SLC24A4: variants seen among roughly 807,000 people sequenced by gnomAD.
SLC24A4 encodes solute carrier family 24 member 4, also known as sodium/potassium/calcium exchanger 4.
A neutral mutation model predicts 79.0 loss-of-function variants in SLC24A4; 53 were observed. The observed-to-expected ratio is 0.67, with a 90% CI of 0.54 to 0.84. SLC24A4 has a LOEUF of 0.84. SLC24A4 is among the 40% of genes least tolerant of loss of function. The pLI is 0.00. For synonymous variants in SLC24A4, 323 were observed against 323.8 expected, an observed-to-expected ratio of 1.00 and a Z score of 0.03; for missense variants, 731 against 822.0, an observed-to-expected ratio of 0.89 and a Z score of 1.35.
At position 92,325,955 on chromosome 14, in the gene SLC24A4, C is replaced by T. The variant is rs1302767571; in HGVS notation, c.218C>T (p.Thr73Ile). Residue 73 changes from threonine (T) to isoleucine (I), a missense_variant, in exon 2 of 17, where the codon ACA (threonine) becomes ATA (isoleucine). By Grantham distance (89) the Thr-to-Ile change is moderately conservative. Transcript: ENST00000532405. ...KLMAPVNGTQ[T>I]AKNCTDPAIH... ...ATGGCCCCAGTGAATGGGACACAGA[C>T]AGCCAAGAACTGCACAGATCCTGGT... 2.5e-6 allele frequency: 4 copies of T among 1,610,932 alleles called. No homozygotes were observed. Among genetic ancestry groups the T allele is most frequent in the Non-Finnish European group, 3.4e-6 (4 of 1,177,694 alleles).
chr14:92,481,708 T>A (rs997952439), intron 12 of SLC24A4, among the ~76,000 whole-genome samples: 12 of 152,262 alleles, frequency 7.9e-5, no homozygotes, highest in African/African-American at 1.9e-4. Flanking sequence ...CTGATTTTTT[T>A]AAATAGATAT....
intron 2 of SLC24A4, among the ~76,000 whole-genome samples, chr14:92,391,374 T>C (rs570298339): frequency 2.0e-5 from 3 of 152,218 alleles, no homozygotes; most frequent in African/African-American, 7.2e-5. Context: ...AACCCCAGGG[T>C]CTCCAGGGTG....
chr14:92,343,869 A>C (rs1886377396), intron 2 of SLC24A4, among the ~76,000 whole-genome samples: 1 of 151,800 alleles, frequency 6.6e-6, no homozygotes, highest in Non-Finnish European at 1.5e-5. Flanking sequence ...CACCCAGCTA[A>C]TTTTTGTATT....
At chr14:92,397,288 T>C (rs1889829818) in intron 2 of SLC24A4, among the ~76,000 whole-genome samples, 1 of 152,218 alleles carries the variant, frequency 6.6e-6, no homozygotes, top group Non-Finnish European at 1.5e-5. Context: ...CCCAGCTCCT[T>C]CTGCTCCGGC....
chr14:92,490,467 G>A lies in SLC24A4; in HGVS notation c.1538-1198G>A, dbSNP rs1895620848. Among the ~76,000 whole-genome samples, 2 of 152,132 alleles carry A rather than the reference G, an allele frequency of 1.3e-5. No homozygotes were observed. On this transcript the variant is annotated intron_variant, in intron 14 of 16. Coordinates refer to ENST00000532405, the MANE Select transcript of SLC24A4 (RefSeq NM_153646.4). The surrounding 1 kb of genome is among the most constrained non-coding windows in gnomAD (Gnocchi z 4.3). ...CCTCTGATGTGCTTCTAGCCTGGTT[G>A]GGGAAAGAGAGCTCACCCTTCAGAA...
rs36228701 is a variant in SLC24A4 at position 92,449,281 on chromosome 14, TACACACACACACACACACACACAC to T, written c.880+84_880+107del. On this transcript the variant is annotated intron_variant, in intron 10 of 16. Coordinates refer to ENST00000532405, the MANE Select transcript of SLC24A4 (RefSeq NM_153646.4). ...GGAAGCCACTCTCTCCTCTTTTGTG[TACACACACACACACACACACACAC>T]ACACACACACACACACACCCTCTCA... 7 of 869,800 alleles carry T rather than the reference TACACACACACACACACACACACAC, an allele frequency of 8.0e-6. No individual in the cohort carries two copies. In the East Asian group the frequency reaches 1.8e-4, roughly 22 times the overall value. 53.9% of individuals were successfully genotyped at this position (869,800 alleles called of 1,614,324 possible).
At chr14:92,437,099 A>G (rs949982213) in intron 3 of SLC24A4, among the ~76,000 whole-genome samples, 1 of 152,222 alleles carries the variant, frequency 6.6e-6, no homozygotes, top group Non-Finnish European at 1.5e-5. Flanking sequence ...CAGGACATCC[A>G]TAGCACTTTT....
At position 92,494,899 on chromosome 14, in the gene SLC24A4, A is replaced by G. The variant is rs1178720574; in HGVS notation, c.*1271A>G. ...TCTTCGACCACTTGATAGCTCTCAAATATATATTTAAAAGATTTATGAATA... is the reference window on the plus strand; with the variant it reads ...TCTTCGACCACTTGATAGCTCTCAAGTATATATTTAAAAGATTTATGAATA... On this transcript the variant is annotated 3_prime_UTR_variant, in exon 17 of 17. Transcript: ENST00000532405. The surrounding 1 kb of genome is among the most constrained non-coding windows in gnomAD (Gnocchi z 4.6). 3.3e-5 allele frequency: 5 copies of G among 152,682 alleles called. No homozygotes were observed. The highest frequency in any genetic ancestry group is 3.3e-4 in the Admixed American group (5 of 15,284). The allele number at this position is 152,682 out of a possible 1,614,324, so 9.5% of individuals were successfully genotyped here. A position where few individuals can be genotyped will look rare whatever the true frequency, so the allele number is the denominator to read the frequency against.
intron 2 of SLC24A4, among the ~76,000 whole-genome samples, chr14:92,403,966 G>A (rs1339669361): frequency 6.6e-6 from 1 of 152,128 alleles, no homozygotes; most frequent in Admixed American, 6.5e-5. Context: ...ATACTCATCT[G>A]TAATTGATTG....
intron 12 of SLC24A4, among the ~76,000 whole-genome samples, chr14:92,474,128 G>A (rs1237423963): frequency 2.0e-5 from 3 of 152,186 alleles, no homozygotes; most frequent in African/African-American, 7.2e-5. Flanking sequence ...ATAAGTTCAG[G>A]AAATATCTAA....
chr14:92,409,131 A>G (rs1042323128), intron 2 of SLC24A4, among the ~76,000 whole-genome samples: 10 of 152,186 alleles, frequency 6.6e-5, no homozygotes, highest in African/African-American at 1.7e-4. Context: ...ACATGGAGTC[A>G]AGTTCAGTCT....
At position 92,484,927 on chromosome 14, in the gene SLC24A4, C is replaced by T. The variant is rs566795204; in HGVS notation, c.1423-1739C>T. 8 of 971,808 alleles carry T rather than the reference C, an allele frequency of 8.2e-6. No homozygotes were observed. The South Asian group carries it at 1.9e-4, about 23-fold the overall frequency. The allele number at this position is 971,808 out of a possible 1,614,324, so 60.2% of individuals were successfully genotyped here. On this transcript the variant is annotated intron_variant, in intron 13 of 16. Coordinates refer to ENST00000532405, the MANE Select transcript of SLC24A4 (RefSeq NM_153646.4). ...TGAGTAGTGTGATTTCTTATAGTGC[C>T]CTTCTTGTGTCGAGTTAGTGTTGTG...
At chr14:92,363,618 T>G (rs1264955434) in intron 2 of SLC24A4, among the ~76,000 whole-genome samples, 2 of 152,060 alleles carry the variant, frequency 1.3e-5, no homozygotes, top group Non-Finnish European at 2.9e-5. Flanking sequence ...GATCCCAAGG[T>G]CAAGAGATCA....
At chr14:92,356,545 A>C (rs1887190497) in intron 2 of SLC24A4, among the ~76,000 whole-genome samples, 2 of 152,152 alleles carry the variant, frequency 1.3e-5, no homozygotes, top group Non-Finnish European at 2.9e-5. Context: ...AAGTCATTTG[A>C]CCTTTCTGTG....
At chr14:92,333,124 C>T (rs1375460706) in intron 2 of SLC24A4, among the ~76,000 whole-genome samples, 1 of 152,182 alleles carries the variant, frequency 6.6e-6, no homozygotes, top group South Asian at 2.1e-4. Flanking sequence ...GACAGAGTCT[C>T]ACCCCCTCAC....
intron 2 of SLC24A4, among the ~76,000 whole-genome samples, chr14:92,403,742 G>C (rs1306180632): frequency 6.6e-6 from 1 of 152,042 alleles, no homozygotes; most frequent in Non-Finnish European, 1.5e-5. Flanking sequence ...TTCAAAGTAG[G>C]CATCTCTCAT....
At chr14:92,482,626 T>A (rs1895120985) in intron 12 of SLC24A4, 54 bp from the exon 13 acceptor site, 1 of 1,511,762 alleles carries the variant, frequency 6.6e-7, no homozygotes. Context: ...GCAGGTGTGT[T>A]ACCCAGTGTC....
intron 2 of SLC24A4, among the ~76,000 whole-genome samples, chr14:92,362,692 G>A (rs946759589): frequency 3.3e-5 from 5 of 152,178 alleles, no homozygotes; most frequent in African/African-American, 9.7e-5. Context: ...TGATCCCCCC[G>A]AGGCGGCACC....
At chr14:92,362,853 C>T (rs57614923) in intron 2 of SLC24A4, among the ~76,000 whole-genome samples, 4,679 of 152,274 alleles carry the variant, frequency 0.031, 100 homozygotes, top group African/African-American at 0.065. Context: ...GCGGCAGCTC[C>T]GGGCGGGATC....
Sources: allele counts gnomAD v4.1 joint callset (sites outside exome capture counted in the v4.1 genomes callset), GRCh38; gene constraint gnomAD v4.1.1; non-coding constraint Gnocchi (gnomAD v3.1); transcripts MANE v1.5; gene names NCBI Gene and HGNC (gene_info 2026-07-23, HGNC 2026-07-21).